MELK: variants seen among roughly 807,000 people sequenced by gnomAD.
MELK encodes the protein maternal embryonic leucine zipper kinase.
Under a neutral mutation model 85.0 loss-of-function variants are expected in MELK, and 81 were observed. That is an observed-to-expected ratio of 0.95 (90% CI 0.80 to 1.15). The LOEUF is 1.15. Among genes scored for constraint, MELK ranks in the 50% most tolerant of loss-of-function variants. The probability of loss-of-function intolerance (pLI) is 0.00; values close to 1 mark genes in which losing one functional copy is unlikely to be tolerated. For synonymous variants in MELK, 252 were observed against 265.0 expected (o/e 0.95, Z 0.48); for missense variants, 754 against 777.5 (o/e 0.97, Z 0.36).
chr9:36,601,771 C>T (rs996428645), intron 7 of MELK, among the ~76,000 whole-genome samples: 3 of 152,146 alleles, frequency 2.0e-5, no homozygotes, highest in Non-Finnish European at 4.4e-5. Context: ...TGCCTTCTGT[C>T]TCTATGAATT....
intron 8 of MELK, among the ~76,000 whole-genome samples, chr9:36,618,970 T>C (rs1425966649): frequency 1.3e-5 from 2 of 151,848 alleles, no homozygotes; most frequent in African/African-American, 2.4e-5. Context: ...TTTTTTTTTT[T>C]TTTTTTGAGA....
chr9:36,590,806 C>T (rs1226579362), intron 4 of MELK, among the ~76,000 whole-genome samples: 1 of 152,070 alleles, frequency 6.6e-6, no homozygotes, highest in Non-Finnish European at 1.5e-5. Context: ...TTGGCCGGGT[C>T]CTCTCATGCC....
chr9:36,642,977 T>C lies in MELK; in HGVS notation c.835-20T>C, dbSNP rs754109827. 1 of 1,574,260 alleles carries C rather than the reference T, an allele frequency of 6.4e-7. No homozygotes were observed. On this transcript the variant is annotated intron_variant, in intron 10 of 17. Coordinates refer to ENST00000298048, the MANE Select transcript of MELK (RefSeq NM_014791.4). The stretch of plus-strand genomic sequence containing the variant: ...TATTTGTAATTTTTTGTTAATAAAG[T>C]GCATAATTTTTTTTTGTAGTTTATT...
intron 12 of MELK, among the ~76,000 whole-genome samples, chr9:36,653,490 G>A (rs1830915443): frequency 6.6e-6 from 1 of 152,100 alleles, no homozygotes; most frequent in Non-Finnish European, 1.5e-5. Flanking sequence ...ATACATAGAG[G>A]CACCATGTCA....
intron 14 of MELK, among the ~76,000 whole-genome samples, chr9:36,668,553 C>A (rs557743054): frequency 6.8e-4 from 103 of 152,170 alleles, no homozygotes; most frequent in Middle Eastern, 3.4e-3. Flanking sequence ...TGCTCTGTCT[C>A]CCAGGCTGGA....
intron 5 of MELK, among the ~76,000 whole-genome samples, chr9:36,595,522 G>A (rs1443806197): frequency 6.6e-6 from 1 of 151,806 alleles, no homozygotes; most frequent in Non-Finnish European, 1.5e-5. Context: ...ATGAGCCACC[G>A]CTCCTGGCCT....
chr9:36,606,594 G>A (rs1343567731), intron 7 of MELK, among the ~76,000 whole-genome samples: 4 of 144,180 alleles, frequency 2.8e-5, no homozygotes, highest in Non-Finnish European at 6.0e-5. Flanking sequence ...GTATAGGTGT[G>A]TATATAATAT....
intron 8 of MELK, among the ~76,000 whole-genome samples, chr9:36,629,140 C>T (rs1290234788): frequency 1.3e-5 from 2 of 152,208 alleles, no homozygotes; most frequent in African/African-American, 4.8e-5. Flanking sequence ...GCTGGGATTA[C>T]AGGTGTGAGC....
chr9:36,638,180 G>A (rs1829393633), intron 10 of MELK, among the ~76,000 whole-genome samples: 1 of 152,166 alleles, frequency 6.6e-6, no homozygotes, highest in Admixed American at 6.5e-5. Context: ...GAAAGTCTCT[G>A]CTTTCTACAA....
intron 3 of MELK, among the ~76,000 whole-genome samples, chr9:36,585,463 T>C (rs1053439645): frequency 6.6e-6 from 1 of 151,904 alleles, no homozygotes. Context: ...TGTGCCACCA[T>C]GTCCAGCTAA....
intron 7 of MELK, among the ~76,000 whole-genome samples, chr9:36,601,040 T>A (rs1430437424): frequency 6.6e-6 from 1 of 152,176 alleles, no homozygotes; most frequent in Non-Finnish European, 1.5e-5. Flanking sequence ...TTTTGAATCA[T>A]TTGAGAGTTA....
intron 3 of MELK, among the ~76,000 whole-genome samples, chr9:36,588,382 C>CT (rs113873638): frequency 1.3e-3 from 168 of 129,972 alleles, no homozygotes; most frequent in South Asian, 4.2e-3. Flanking sequence ...GAGTCCCTCC[C>CT]TTTTTTTTTT....
intron 5 of MELK, among the ~76,000 whole-genome samples, chr9:36,596,808 A>G (rs889362635): frequency 2.1e-5 from 3 of 139,858 alleles, no homozygotes. Context: ...CTGGTCTCGA[A>G]CTCCTGACCT....
intron 10 of MELK, among the ~76,000 whole-genome samples, chr9:36,634,722 G>A (rs1828955507): frequency 6.6e-6 from 1 of 150,472 alleles, no homozygotes. Flanking sequence ...AAAAGAGGCT[G>A]GGTGCAGTGG....
chr9:36,633,078 T>C (rs1358392310), intron 9 of MELK, 24 bp from the exon 10 acceptor site: 1 of 1,503,238 alleles, frequency 6.7e-7, no homozygotes, highest in Non-Finnish European at 9.2e-7. Flanking sequence ...TGTTAATCTC[T>C]AGCTACTTTT....
intron 10 of MELK, among the ~76,000 whole-genome samples, chr9:36,636,801 T>C (rs913996453): frequency 1.4e-5 from 2 of 143,472 alleles, no homozygotes; most frequent in African/African-American, 5.7e-5. Context: ...TCTTTCTTTC[T>C]TTCTGTCTTT....
At chr9:36,636,782 T>TTCTTTCTTTCTTTCTGTCTGTCTGTCTG (rs71494635) in intron 10 of MELK, among the ~76,000 whole-genome samples, 20 of 107,674 alleles carry the variant, frequency 1.9e-4, no homozygotes, top group Middle Eastern at 4.3e-3. Flanking sequence ...CTTTCTTTCT[T>TTCTTTCTTTCTTTCTGTCTGTCTGTCTG]TCTGTCTGTC....
chr9:36,599,166 C>T (rs13302394), intron 6 of MELK, among the ~76,000 whole-genome samples: 8,591 of 151,888 alleles, frequency 0.057, 334 homozygotes, highest in Middle Eastern at 0.13. Context: ...CATGGTGGCA[C>T]GCTGCGTGCC....
intron 12 of MELK, among the ~76,000 whole-genome samples, chr9:36,652,943 A>C (rs1450496666): frequency 6.6e-6 from 1 of 152,076 alleles, no homozygotes; most frequent in Non-Finnish European, 1.5e-5. Context: ...TGGGAGTAAG[A>C]TCTGTGATAT....
Sources: gnomAD v4.1 joint callset for allele counts (sites outside exome capture counted in the v4.1 genomes callset) on GRCh38, gnomAD v4.1.1 for gene constraint, MANE v1.5 for transcripts, NCBI Gene and HGNC (gene_info 2026-07-23, HGNC 2026-07-21) for gene names.